LIPJ: variants seen among roughly 807,000 people sequenced by gnomAD.
LIPJ encodes lipase member J.
LIPJ carries 33 observed loss-of-function variants against 39.8 expected under a neutral mutation model. The ratio of observed to expected loss-of-function variants is 0.83; its 90% confidence interval spans 0.63 to 1.11. LIPJ has a LOEUF of 1.11. Among genes scored for constraint, LIPJ ranks in the 50% least tolerant of loss-of-function variants. The pLI, the probability that LIPJ is intolerant of heterozygous loss-of-function variation, is 0.00. For synonymous variants in LIPJ, 128 were observed against 139.2 expected, an observed-to-expected ratio of 0.92 and a Z score of 0.57; for missense variants, 422 against 427.9, an observed-to-expected ratio of 0.99 and a Z score of 0.12.
At chr10:88,596,790 G>T (rs775749143) in exon 8 of LIPJ, 2 of 1,597,852 alleles carry the variant, frequency 1.3e-6, no homozygotes, top group Non-Finnish European at 1.7e-6. Flanking sequence ...TATTTTACAG[G>T]CTTTTTCAGG....
At chr10:88,621,988 A>G in the LIPJ span, among the ~76,000 whole-genome samples, 2 of 152,194 alleles carry the variant, frequency 1.3e-5, no homozygotes, top group African/African-American at 4.8e-5. Flanking sequence ...AGTACTACCT[A>G]TTGGTGCCCT....
intron 5 of LIPJ, 86 bp from the exon 6 acceptor site, chr10:88,594,581 T>C: frequency 1.6e-6 from 1 of 612,038 alleles, no homozygotes; most frequent in Non-Finnish European, 2.7e-6. Flanking sequence ...GAAAATTGCC[T>C]TTATTCAGTT....
downstream of LIPJ, among the ~76,000 whole-genome samples, chr10:88,608,608 A>G (rs186005830): frequency 3.8e-3 from 583 of 152,316 alleles, 5 homozygotes; most frequent in African/African-American, 0.013. Context: ...AACAAAAACG[A>G]TCCATAATTT....
intron 8 of LIPJ, among the ~76,000 whole-genome samples, chr10:88,599,440 C>A (rs545893134): frequency 1.3e-4 from 20 of 152,100 alleles, no homozygotes; most frequent in Non-Finnish European, 2.2e-4. Context: ...CAGACCCTGG[C>A]AACCACCATT....
intron 7 of LIPJ, 100 bp downstream of exon 7, chr10:88,596,516 G>A (rs74452617): frequency 0.01 from 13,412 of 1,301,004 alleles, 360 homozygotes; most frequent in South Asian, 0.078. Flanking sequence ...CACAAGTATG[G>A]ATTGAAATTT....
intron 9 of LIPJ, among the ~76,000 whole-genome samples, chr10:88,604,236 G>A (rs1466794888): frequency 2.0e-5 from 3 of 152,166 alleles, no homozygotes; most frequent in Non-Finnish European, 2.9e-5. Flanking sequence ...TTTGGAACAT[G>A]GAAACTTAGG....
chr10:88,606,981 T>C (rs1296739987), downstream of LIPJ: 18 of 1,352,056 alleles, frequency 1.3e-5, no homozygotes, highest in Non-Finnish European at 1.6e-5. Context: ...TTTTTACCTG[T>C]GTATGTTCTT....
chr10:88,621,896 A>G, the LIPJ span, among the ~76,000 whole-genome samples: 1 of 152,330 alleles, frequency 6.6e-6, no homozygotes, highest in East Asian at 1.9e-4. Context: ...AGAAAGAATT[A>G]TCACTGTTTA....
At chr10:88,620,949 G>A in the LIPJ span, among the ~76,000 whole-genome samples, 3 of 152,034 alleles carry the variant, frequency 2.0e-5, no homozygotes, top group Non-Finnish European at 4.4e-5. Context: ...CTGTGTCCTC[G>A]CATGGTGGAG....
At chr10:88,607,956 G>A (rs975188886), downstream of LIPJ, among the ~76,000 whole-genome samples, 4 of 152,324 alleles carry the variant, frequency 2.6e-5, no homozygotes, top group East Asian at 7.7e-4. Context: ...TCAAGAGCTT[G>A]ATCAGGTTCT....
chr10:88,597,152 G>C (rs956647851), intron 8 of LIPJ, among the ~76,000 whole-genome samples: 1 of 151,712 alleles, frequency 6.6e-6, no homozygotes, highest in African/African-American at 2.4e-5. Flanking sequence ...TTGTCTTGCT[G>C]TCTGTAAATA....
Position 88,594,224 on chromosome 10 carries a change from G to C in LIPJ, c.329+80G>C, listed in dbSNP as rs952612407. 2.9e-6 allele frequency: 3 copies of C among 1,042,416 alleles called. No individual in the cohort carries two copies. In the African/African-American group the frequency reaches 4.9e-5, roughly 17 times the overall value. 64.6% of individuals were successfully genotyped at this position (1,042,416 alleles called of 1,614,324 possible). A position where few individuals can be genotyped will look rare whatever the true frequency, so the allele number is the denominator to read the frequency against. Reference sequence around the variant, plus strand: ...TTTGAATGCAATAAAATAAAATTTAGGTCTTACTATTTTCACAATTTAGGA... The same window carrying C: ...TTTGAATGCAATAAAATAAAATTTACGTCTTACTATTTTCACAATTTAGGA... On this transcript the variant is annotated intron_variant, in intron 5 of 10. Transcript: ENST00000371939.
At chr10:88,591,716 C>T in intron 4 of LIPJ, 1 of 310,304 alleles carries the variant, frequency 3.2e-6, no homozygotes. Context: ...CTGTTCTTCC[C>T]AGGTTTCCTT....
At chr10:88,583,798 C>T (rs1315066489), upstream of LIPJ, 3 of 789,560 alleles carry the variant, frequency 3.8e-6, no homozygotes, top group Non-Finnish European at 4.6e-6. Context: ...GAAACAATAA[C>T]GTATACCTTT....
chr10:88,596,212 G>A (rs1373614962), intron 6 of LIPJ, 68 bp from the exon 7 acceptor site: 4 of 1,017,328 alleles, frequency 3.9e-6, no homozygotes, highest in Admixed American at 4.0e-5. Context: ...ATTCTCCTTG[G>A]TGTCATCTCT....
At chr10:88,613,180 A>G in the LIPJ span, among the ~76,000 whole-genome samples, 2 of 152,170 alleles carry the variant, frequency 1.3e-5, no homozygotes, top group African/African-American at 4.8e-5. Context: ...TCTTCGGGGC[A>G]ATAGCAGGCA....
chr10:88,590,030 T>C (rs1355093396), intron 2 of LIPJ, among the ~76,000 whole-genome samples: 1 of 151,656 alleles, frequency 6.6e-6, no homozygotes, highest in African/African-American at 2.4e-5. Flanking sequence ...GATGGCAGCC[T>C]CTGTGGGTAC....
chr10:88,592,123 A>T (rs891427021), intron 4 of LIPJ: 4 of 151,924 alleles, frequency 2.6e-5, no homozygotes, highest in African/African-American at 9.7e-5. Context: ...TTTCTTTCAG[A>T]AGGAAACAGG....
exon 6 of LIPJ, chr10:88,594,706 T>C: frequency 6.4e-7 from 1 of 1,567,882 alleles, no homozygotes; most frequent in South Asian, 1.2e-5. Context: ...CAGCCTCTAT[T>C]GATTTCACTG....
Sources: gnomAD v4.1 joint callset for allele counts (sites outside exome capture counted in the v4.1 genomes callset) on GRCh38, gnomAD v4.1.1 for gene constraint, MANE v1.5 for transcripts, NCBI Gene and HGNC (gene_info 2026-07-23, HGNC 2026-07-21) for gene names.